The following SIAH3 variants were observed in gnomAD, a reference collection of about 807,000 sequenced individuals.
The protein encoded by SIAH3 is seven in absentia homolog 3.
SIAH3 carries 9 observed loss-of-function variants against 12.6 expected under a neutral mutation model. The ratio of observed to expected loss-of-function variants is 0.72; its 90% CI spans 0.43 to 1.25. The LOEUF is 1.25. SIAH3 is among the 50% of genes most tolerant of loss of function. SIAH3 has a pLI of 0.00. For missense variants in SIAH3, 390 were observed against 365.4 expected, an observed-to-expected ratio of 1.07 and a Z score of -0.55; for synonymous variants, 154 against 151.1, an observed-to-expected ratio of 1.02 and a Z score of -0.14.
chr13:45,783,721 T>C lies in SIAH3; in HGVS notation c.472A>G (p.Ile158Val), dbSNP rs1174884774. Residue 158 changes from isoleucine to valine, a missense_variant, in exon 2 of 2, where the codon ATC becomes GTC. Physicochemically the swap from Ile to Val is conservative, Grantham distance 29. Transcript: ENST00000400405. ...MHLPAPADWIIMHSCLGHHFL... is the reference protein window; with the variant it reads ...MHLPAPADWIVMHSCLGHHFL... ...TGGTGGCCAAGGCAGGAGTGCATGATGATCCAATCAGCCGGCGCGGGGAGG... is the reference window on the plus strand; with the variant it reads ...TGGTGGCCAAGGCAGGAGTGCATGACGATCCAATCAGCCGGCGCGGGGAGG... The C allele has an allele frequency of 6.2e-7, 1 of 1,614,120 alleles. No homozygotes were observed. The highest frequency in any genetic ancestry group is 1.7e-5 in the Admixed American group (1 of 60,022).
intron 1 of SIAH3, among the ~76,000 whole-genome samples, chr13:45,819,553 A>C (rs1340116374): frequency 2.0e-5 from 3 of 152,212 alleles, no homozygotes; most frequent in Non-Finnish European, 4.4e-5. Flanking sequence ...GGAAAATTAG[A>C]AAAAGGAGGT....
intron 1 of SIAH3, among the ~76,000 whole-genome samples, chr13:45,797,555 T>C (rs1039200114): frequency 2.0e-5 from 3 of 152,176 alleles, no homozygotes; most frequent in Admixed American, 6.5e-5. Context: ...TCTCCATTCA[T>C]GAGTCTGCGG....
At position 45,781,846 on chromosome 13, in the gene SIAH3, G is replaced by T. The variant is rs1033400529; in HGVS notation, c.*1537C>A. The T allele has an allele frequency of 6.6e-6, 1 of 152,232 alleles. No individual in the cohort carries two copies. The highest frequency in any genetic ancestry group is 1.9e-4 in the East Asian group (1 of 5,178). The allele number at this position is 152,232 out of a possible 1,614,324, so 9.4% of individuals were successfully genotyped here. A position where few individuals can be genotyped will look rare whatever the true frequency, so the allele number is the denominator to read the frequency against. ...GCCAGGGCAACCTGCCTGAGACTAA[G>T]TAGTCACTTGGATGCCTGCCAGGAC... On this transcript the variant is annotated 3_prime_UTR_variant, in exon 2 of 2. Transcript: ENST00000400405.
At chr13:45,838,943 C>T (rs1398349175) in intron 1 of SIAH3, among the ~76,000 whole-genome samples, 15 of 152,012 alleles carry the variant, frequency 9.9e-5, no homozygotes, top group Admixed American at 9.8e-4. Context: ...GTTCTTCTCA[C>T]AGCAGTGTTT....
intron 1 of SIAH3, among the ~76,000 whole-genome samples, chr13:45,784,396 C>CTTTTTTTTTTTTTTT (rs1555256292): frequency 2.9e-5 from 3 of 102,014 alleles, no homozygotes; most frequent in East Asian, 2.8e-4. Context: ...ACAAAGACAG[C>CTTTTTTTTTTTTTTT]TGTTTTTTTT....
chr13:45,837,486 G>T (rs1950721794), intron 1 of SIAH3, among the ~76,000 whole-genome samples: 1 of 151,096 alleles, frequency 6.6e-6, no homozygotes, highest in Non-Finnish European at 1.5e-5. Context: ...GAAAGAGAGG[G>T]AAAGAAAAAG....
chr13:45,833,479 G>GCACACACA (rs1161932000), intron 1 of SIAH3, among the ~76,000 whole-genome samples: 1 of 145,056 alleles, frequency 6.9e-6, no homozygotes, highest in Non-Finnish European at 1.5e-5. Context: ...ACACACACAT[G>GCACACACA]CACACACACA....
At chr13:45,826,938 C>T (rs1398691369) in intron 1 of SIAH3, among the ~76,000 whole-genome samples, 1 of 152,198 alleles carries the variant, frequency 6.6e-6, no homozygotes, top group Admixed American at 6.5e-5. Flanking sequence ...TACACATTAA[C>T]TGTGATGAAC....
At chr13:45,818,090 C>G (rs1369955402) in intron 1 of SIAH3, among the ~76,000 whole-genome samples, 1 of 152,180 alleles carries the variant, frequency 6.6e-6, no homozygotes, top group Non-Finnish European at 1.5e-5. Context: ...CCAGATGCCT[C>G]CTCTGGAGCA....
intron 1 of SIAH3, among the ~76,000 whole-genome samples, chr13:45,839,643 T>C (rs7987805): frequency 0.082 from 12,383 of 151,844 alleles, 596 homozygotes; most frequent in Middle Eastern, 0.21. Flanking sequence ...CCATCCTGGC[T>C]AACACGGTGA....
rs1950512544 is a variant in SIAH3 at position 45,783,379 on chromosome 13, G to A, written c.*4C>T. ...TGTGTGGGGAGCATCCGTGGCTCCT[G>A]GCCTCACATTTCAGCTTCTGAGGGG... is the stretch of plus-strand genomic sequence containing the variant. On this transcript the variant is annotated 3_prime_UTR_variant, in exon 2 of 2. Coordinates refer to ENST00000400405, the MANE Select transcript of SIAH3 (RefSeq NM_198849.3). 1.9e-6 allele frequency: 3 copies of A among 1,604,388 alleles called. No homozygotes were observed. The highest frequency in any genetic ancestry group is 2.6e-6 in the Non-Finnish European group (3 of 1,172,926).
Position 45,778,532 on chromosome 13 carries a change from T to G in SIAH3, c.*4851A>C, listed in dbSNP as rs1368262828. The stretch of plus-strand genomic sequence containing the variant: ...GTCTCTTCTCCAGAAGAGTTCGTGT[T>G]TCCCCAACAATTTGCTGTTCCGCTG... On this transcript the variant is annotated 3_prime_UTR_variant, in exon 2 of 2. Coordinates refer to ENST00000400405, the MANE Select transcript of SIAH3 (RefSeq NM_198849.3). 6.6e-6 allele frequency: 1 copy of G among 152,216 alleles called. No homozygotes were observed. The highest frequency in any genetic ancestry group is 1.5e-5 in the Non-Finnish European group (1 of 68,058). 9.4% of individuals were successfully genotyped at this position (152,216 alleles called of 1,614,324 possible). A position where few individuals can be genotyped will look rare whatever the true frequency, so the allele number is the denominator to read the frequency against.
chr13:45,835,735 C>G (rs76368152), intron 1 of SIAH3, among the ~76,000 whole-genome samples: 3 of 152,200 alleles, frequency 2.0e-5, no homozygotes, highest in Non-Finnish European at 4.4e-5. Flanking sequence ...CGGACCCAGT[C>G]TGGCTCAGAA....
At chr13:45,819,411 G>A (rs377398852) in intron 1 of SIAH3, among the ~76,000 whole-genome samples, 6 of 152,332 alleles carry the variant, frequency 3.9e-5, no homozygotes, top group South Asian at 4.1e-4. Flanking sequence ...GCTGCACAGT[G>A]TTGGGCATGG....
At chr13:45,797,417 C>T (rs1380570852) in intron 1 of SIAH3, among the ~76,000 whole-genome samples, 1 of 152,146 alleles carries the variant, frequency 6.6e-6, no homozygotes, top group African/African-American at 2.4e-5. Flanking sequence ...ATTTCCCCAT[C>T]CTCTAAGGGG....
At chr13:45,836,830 C>A (rs1950719579) in intron 1 of SIAH3, among the ~76,000 whole-genome samples, 1 of 152,246 alleles carries the variant, frequency 6.6e-6, no homozygotes, top group South Asian at 2.1e-4. Flanking sequence ...CATGACCCTG[C>A]TTCCTGTTGC....
chr13:45,808,702 T>C (rs941596122), intron 1 of SIAH3, among the ~76,000 whole-genome samples: 7 of 66,734 alleles, frequency 1.0e-4, no homozygotes, highest in Admixed American at 1.9e-4. Flanking sequence ...TGTCCATATG[T>C]ACGTGCATAC....
intron 1 of SIAH3, among the ~76,000 whole-genome samples, chr13:45,784,760 A>T (rs946780510): frequency 6.6e-6 from 1 of 152,092 alleles, no homozygotes; most frequent in Non-Finnish European, 1.5e-5. Flanking sequence ...GGCAGCCTCC[A>T]CCTGGAGAAT....
At chr13:45,812,101 T>C (rs191486208) in intron 1 of SIAH3, among the ~76,000 whole-genome samples, 1 of 152,136 alleles carries the variant, frequency 6.6e-6, no homozygotes, top group Admixed American at 6.5e-5. Flanking sequence ...AACAAGTGAG[T>C]CATGTTTGGA....
Sources: allele counts gnomAD v4.1 joint callset (sites outside exome capture counted in the v4.1 genomes callset), GRCh38; gene constraint gnomAD v4.1.1; transcripts MANE v1.5; gene names NCBI Gene and HGNC (gene_info 2026-07-23, HGNC 2026-07-21).